CDH13: variants seen among roughly 807,000 people sequenced by gnomAD.
CDH13 encodes the protein cadherin 13.
In CDH13, 24 loss-of-function variants were observed where a neutral mutation model predicts 63.8. The observed-to-expected ratio is 0.38, with a 90% CI of 0.27 to 0.53. CDH13 has a LOEUF of 0.53. Among genes scored for constraint, CDH13 ranks in the 20% least tolerant of loss-of-function variants. The pLI, the probability that CDH13 is intolerant of heterozygous loss-of-function variation, is 0.85. For missense variants in CDH13, 1,049 were observed against 903.1 expected (o/e 1.16, Z -2.07); for synonymous variants, 503 against 355.3 (o/e 1.42, Z -4.67).
At chr16:83,485,439 A>G (rs1028028381) in intron 6 of CDH13, among the ~76,000 whole-genome samples, 7 of 152,146 alleles carry the variant, frequency 4.6e-5, no homozygotes, top group African/African-American at 1.7e-4. Flanking sequence ...ATCAGGTCCT[A>G]TTTGTATGAC....
intron 5 of CDH13, among the ~76,000 whole-genome samples, chr16:83,248,831 T>C (rs1013342633): frequency 7.9e-5 from 12 of 152,136 alleles, no homozygotes; most frequent in Non-Finnish European, 1.8e-4. Flanking sequence ...CACAGAACTC[T>C]CCCCTGGAAT....
rs1190841658 is a variant in CDH13 at position 83,486,630 on chromosome 16, T to C, written c.935T>C (p.Val312Ala). The C allele has an allele frequency of 6.2e-7, 1 of 1,613,830 alleles. No homozygotes were observed. Among genetic ancestry groups the C allele is most frequent in the East Asian group, 2.2e-5 (1 of 44,880 alleles). The change falls in exon 7 of 14, where the codon GTG becomes GCG. Residue 312 changes from valine to alanine, a missense_variant. Coordinates refer to ENST00000567109, the MANE Select transcript of CDH13 (RefSeq NM_001257.5). ...DPEKGDIVTV[V>A]SPALLDRETL... ...GAGAAAGGAGACATTGTCACTGTTG[T>C]GTCACCTGCGCTGCTGGACCGAGAG...
At chr16:82,900,165 G>A (rs888065927) in intron 2 of CDH13, among the ~76,000 whole-genome samples, 3 of 152,082 alleles carry the variant, frequency 2.0e-5, no homozygotes, top group African/African-American at 7.2e-5. Flanking sequence ...ATTCTTGCTG[G>A]GCCCCTTTTA....
chr16:83,545,746 C>T (rs1275687595), intron 7 of CDH13, among the ~76,000 whole-genome samples: 1 of 152,172 alleles, frequency 6.6e-6, no homozygotes, highest in Non-Finnish European at 1.5e-5. Context: ...GCAAGCCCTC[C>T]TCATCTGCCC....
At chr16:82,774,948 A>T (rs1197931770) in intron 1 of CDH13, among the ~76,000 whole-genome samples, 1 of 152,184 alleles carries the variant, frequency 6.6e-6, no homozygotes, top group African/African-American at 2.4e-5. Flanking sequence ...AAATGCTTTG[A>T]CTTGGAAATA....
chr16:82,806,124 T>G (rs1371757989), intron 1 of CDH13, among the ~76,000 whole-genome samples: 1 of 152,186 alleles, frequency 6.6e-6, no homozygotes, highest in Admixed American at 6.5e-5. Flanking sequence ...TTTGCCAGCC[T>G]TCTCTCCACT....
chr16:83,153,791 C>G (rs2037089770), intron 4 of CDH13, among the ~76,000 whole-genome samples: 1 of 152,172 alleles, frequency 6.6e-6, no homozygotes, highest in Admixed American at 6.5e-5. Context: ...CAGGAAATGT[C>G]TGTTTAAGCC....
At chr16:83,027,102 ACCC>A (rs79185242) in intron 2 of CDH13, among the ~76,000 whole-genome samples, 52 of 100,948 alleles carry the variant, frequency 5.2e-4, no homozygotes, top group African/African-American at 8.1e-4. Context: ...CAGAAGGGAG[ACCC>A]CCCCCCCCCA....
At chr16:82,773,409 C>G (rs758300715) in intron 1 of CDH13, 3 of 152,324 alleles carry the variant, frequency 2.0e-5, no homozygotes, top group African/African-American at 7.2e-5. Flanking sequence ...GCTCCCACTT[C>G]TGGGCCCCCA....
chr16:83,496,382 C>T (rs1170559548), intron 7 of CDH13, among the ~76,000 whole-genome samples: 3 of 150,668 alleles, frequency 2.0e-5, no homozygotes, highest in Non-Finnish European at 3.0e-5. Context: ...TGATCTTTGA[C>T]AAACCTGAGA....
At chr16:82,812,025 A>G (rs1282556172) in intron 1 of CDH13, among the ~76,000 whole-genome samples, 3 of 152,138 alleles carry the variant, frequency 2.0e-5, no homozygotes, top group Non-Finnish European at 2.9e-5. Flanking sequence ...GGGTGGGACC[A>G]GGTTACGAAG....
intron 1 of CDH13, among the ~76,000 whole-genome samples, chr16:82,746,193 GTGTTTATATATAAACACAC>G (rs975034118): frequency 4.3e-5 from 4 of 93,664 alleles, no homozygotes; most frequent in South Asian, 4.4e-4. Context: ...TGGTGTGTGT[GTGTTTATATATAAACACAC>G]TGTTTATATA....
At chr16:82,912,048 C>G (rs1360074745) in intron 2 of CDH13, among the ~76,000 whole-genome samples, 7 of 152,058 alleles carry the variant, frequency 4.6e-5, no homozygotes, top group South Asian at 2.1e-4. Context: ...TCCCACGGCT[C>G]TAATTCCACG....
At chr16:83,518,084 G>C (rs2074740638) in intron 7 of CDH13, among the ~76,000 whole-genome samples, 1 of 152,116 alleles carries the variant, frequency 6.6e-6, no homozygotes. Context: ...TTTTATCATG[G>C]GGGTGGTTAA....
intron 7 of CDH13, among the ~76,000 whole-genome samples, chr16:83,567,893 C>T (rs1236908332): frequency 1.3e-5 from 2 of 152,190 alleles, no homozygotes; most frequent in Non-Finnish European, 2.9e-5. Flanking sequence ...CCACGCCCGG[C>T]CTAGACACAA....
intron 9 of CDH13, among the ~76,000 whole-genome samples, chr16:83,674,339 C>T (rs537479793): frequency 2.5e-4 from 38 of 152,296 alleles, no homozygotes; most frequent in Middle Eastern, 3.4e-3. Context: ...CCCCAGGCAT[C>T]ATATCTTCCC....
At chr16:82,689,125 C>T (rs924686075) in intron 1 of CDH13, 1 of 151,550 alleles carries the variant, frequency 6.6e-6, no homozygotes, top group Non-Finnish European at 1.5e-5. Flanking sequence ...GGTTAACACA[C>T]TTACTCAGGT....
intron 2 of CDH13, among the ~76,000 whole-genome samples, chr16:82,958,266 CA>C (rs1239193576): frequency 6.6e-6 from 1 of 152,196 alleles, no homozygotes; most frequent in Admixed American, 6.5e-5. Context: ...TGAGACGCTT[CA>C]CCTAGAAGTG....
At chr16:83,294,784 T>A (rs2089550151) in intron 5 of CDH13, among the ~76,000 whole-genome samples, 1 of 152,058 alleles carries the variant, frequency 6.6e-6, no homozygotes, top group Non-Finnish European at 1.5e-5. Context: ...CGGAATAATA[T>A]TGTTAAAATG....
Sources: allele counts gnomAD v4.1 joint callset (sites outside exome capture counted in the v4.1 genomes callset), GRCh38; gene constraint gnomAD v4.1.1; transcripts MANE v1.5; gene names NCBI Gene and HGNC (gene_info 2026-07-23, HGNC 2026-07-21).